FRK: variants seen among roughly 807,000 people sequenced by gnomAD.
FRK encodes the protein tyrosine-protein kinase FRK.
In FRK, 51 loss-of-function variants were observed where a neutral mutation model predicts 56.4. That is an observed-to-expected ratio of 0.90 (90% CI 0.72 to 1.14). The LOEUF (loss-of-function observed/expected upper bound fraction) is 1.14. Among genes scored for constraint, FRK ranks in the 50% most tolerant of loss-of-function variants. FRK has a pLI of 0.00. For synonymous variants in FRK, 245 were observed against 217.9 expected (o/e 1.12, Z -1.10); for missense variants, 570 against 601.4 (o/e 0.95, Z 0.55).
At chr6:116,080,621 A>G in the FRK span, among the ~76,000 whole-genome samples, 1 of 152,232 alleles carries the variant, frequency 6.6e-6, no homozygotes, top group African/African-American at 2.4e-5. Flanking sequence ...TAGACAATGG[A>G]TTAATATTTA....
chr6:115,963,073 AC>A (rs1174797696), intron 4 of FRK, among the ~76,000 whole-genome samples: 2 of 60,414 alleles, frequency 3.3e-5, no homozygotes, highest in Non-Finnish European at 6.7e-5. Flanking sequence ...AGATAGAGAC[AC>A]AAAAAAACCT....
intron 5 of FRK, among the ~76,000 whole-genome samples, chr6:115,949,695 T>G (rs142958227): frequency 3.3e-4 from 51 of 152,278 alleles, no homozygotes; most frequent in African/African-American, 1.2e-3. Flanking sequence ...AAATTTCATA[T>G]GGAACCAAAA....
chr6:116,048,152 T>C (rs542867183), intron 1 of FRK, among the ~76,000 whole-genome samples: 20 of 152,358 alleles, frequency 1.3e-4, no homozygotes, highest in Admixed American at 1.3e-3. Context: ...TTGGTGTGAA[T>C]GCTTCAAAAT....
upstream of FRK, among the ~76,000 whole-genome samples, chr6:116,062,171 T>C (rs1777649592): frequency 6.6e-6 from 1 of 152,120 alleles, no homozygotes; most frequent in Non-Finnish European, 1.5e-5. Context: ...TCCAATTGTC[T>C]TTGGAGTCAG....
At chr6:115,998,083 A>G (rs530250946) in intron 2 of FRK, among the ~76,000 whole-genome samples, 2 of 152,332 alleles carry the variant, frequency 1.3e-5, no homozygotes, top group Non-Finnish European at 2.9e-5. Flanking sequence ...GAGGGGCCCT[A>G]TGCTTCTGGG....
chr6:115,967,747 G>A (rs1236369826), intron 3 of FRK, 28 bp from the exon 4 acceptor site: 5 of 1,189,042 alleles, frequency 4.2e-6, no homozygotes, highest in Admixed American at 3.1e-5. Context: ...AAGAGCAATT[G>A]TTAAAAAAAA....
chr6:116,097,843 A>G, the FRK span, among the ~76,000 whole-genome samples: 1 of 152,234 alleles, frequency 6.6e-6, no homozygotes, highest in South Asian at 2.1e-4. Context: ...AAGTCAACAA[A>G]TAACATAAAC....
At position 115,952,365 on chromosome 6, in the gene FRK, C is replaced by A. The variant is rs1047008266; in HGVS notation, c.958+4087G>T. Among the ~76,000 whole-genome samples the A allele has an allele frequency of 1.0e-3, 152 of 152,154 alleles. 1 individual carries two copies. Among genetic ancestry groups the A allele is most frequent in the Middle Eastern group, 3.4e-3 (1 of 294 alleles). ...ATCAGAGAAATGCAAATCAAAACCA[C>A]AATGAAATACCATCTCACACCAGTT... On this transcript the variant is annotated intron_variant, in intron 5 of 7. Transcript: ENST00000606080.
At chr6:116,087,906 G>A in the FRK span, among the ~76,000 whole-genome samples, 1 of 152,180 alleles carries the variant, frequency 6.6e-6, no homozygotes, top group Non-Finnish European at 1.5e-5. Context: ...ACAGAGCTCT[G>A]CAAGGTCTTT....
At position 115,967,314 on chromosome 6, in the gene FRK, G is replaced by A. The variant is rs535106737; in HGVS notation, c.799+237C>T. 4.9e-4 allele frequency among the ~76,000 whole-genome samples: 75 copies of A among 152,278 alleles called. 1 individual carries two copies. In the South Asian group the frequency reaches 6.2e-3, roughly 13 times the overall value. On this transcript the variant is annotated intron_variant, in intron 4 of 7. Transcript: ENST00000606080. ...CTGAATCCTAATTCAGAGAAGAGAT[G>A]AGTTGTCAGACTCTTCAATCAGCGA...
intron 5 of FRK, among the ~76,000 whole-genome samples, chr6:115,950,631 C>T (rs1346117046): frequency 6.6e-6 from 1 of 152,132 alleles, no homozygotes; most frequent in Non-Finnish European, 1.5e-5. Flanking sequence ...GGATCTAGAA[C>T]TAGAAAATAC....
Position 116,059,959 on chromosome 6 carries a change from A to G in FRK, c.344+9T>C, listed in dbSNP as rs1296296532. The G allele has an allele frequency of 2.5e-6, 4 of 1,606,348 alleles. No individual in the cohort carries two copies. Among genetic ancestry groups the G allele is most frequent in the African/African-American group, 2.7e-5 (2 of 74,640 alleles). On this transcript the variant is annotated intron_variant, in intron 1 of 7. Coordinates refer to ENST00000606080, the MANE Select transcript of FRK (RefSeq NM_002031.3). ...GTTCAGAAATTAAGTATAAGTTTGTACTACTCACGGCTCTGCCTGTAGGCT... is the reference window on the plus strand; with the variant it reads ...GTTCAGAAATTAAGTATAAGTTTGTGCTACTCACGGCTCTGCCTGTAGGCT...
the FRK span, among the ~76,000 whole-genome samples, chr6:116,091,801 G>C: frequency 1.3e-5 from 2 of 152,116 alleles, no homozygotes; most frequent in African/African-American, 4.8e-5. Flanking sequence ...TGGTTTGCCT[G>C]GAACCAGCTT....
chr6:116,027,880 G>C (rs890895603), intron 1 of FRK, among the ~76,000 whole-genome samples: 1 of 151,752 alleles, frequency 6.6e-6, no homozygotes, highest in Non-Finnish European at 1.5e-5. Context: ...AGGACAGTCA[G>C]AGATGCTGGC....
intron 2 of FRK, among the ~76,000 whole-genome samples, chr6:115,969,774 C>A (rs1372053354): frequency 6.6e-6 from 1 of 152,130 alleles, no homozygotes; most frequent in Non-Finnish European, 1.5e-5. Context: ...AGAAGCAGCC[C>A]AGTGGGAGGC....
intron 1 of FRK, among the ~76,000 whole-genome samples, chr6:116,050,911 C>CAG (rs1183275924): frequency 6.6e-6 from 1 of 152,176 alleles, no homozygotes; most frequent in Non-Finnish European, 1.5e-5. Context: ...TATTCTCTAG[C>CAG]AGTGACTTTG....
chr6:116,096,715 G>C, the FRK span, among the ~76,000 whole-genome samples: 1 of 152,228 alleles, frequency 6.6e-6, no homozygotes, highest in African/African-American at 2.4e-5. Flanking sequence ...AGCAGGACGT[G>C]TGCAGGGACA....
Position 115,983,286 on chromosome 6 carries a change from T to C in FRK, c.467-14547A>G, listed in dbSNP as rs965637555. Reference sequence around the variant, plus strand: ...TATGGTTCAAAACCAGGTAGTGAGATTCTGAAGCCCACACTCTTAATCCCT... The same window carrying C: ...TATGGTTCAAAACCAGGTAGTGAGACTCTGAAGCCCACACTCTTAATCCCT... On this transcript the variant is annotated intron_variant, in intron 2 of 7. Coordinates refer to ENST00000606080, the MANE Select transcript of FRK (RefSeq NM_002031.3). Among the ~76,000 whole-genome samples, 15 of 152,138 alleles carry C rather than the reference T, an allele frequency of 9.9e-5. 1 individual carries two copies. Among genetic ancestry groups the C allele is most frequent in the Admixed American group, 5.2e-4 (8 of 15,284 alleles).
At chr6:115,976,419 CAT>C (rs1458069924) in intron 2 of FRK, among the ~76,000 whole-genome samples, 2 of 152,058 alleles carry the variant, frequency 1.3e-5, no homozygotes, top group African/African-American at 4.8e-5. Flanking sequence ...ATAACATAAA[CAT>C]AAAGTCAGAG....
Sources: allele counts gnomAD v4.1 joint callset (sites outside exome capture counted in the v4.1 genomes callset), GRCh38; gene constraint gnomAD v4.1.1; transcripts MANE v1.5; gene names NCBI Gene and HGNC (gene_info 2026-07-23, HGNC 2026-07-21).